Variants in KLRB1 observed in about 807,000 individuals in gnomAD.
KLRB1 encodes killer cell lectin like receptor B1.
A neutral mutation model predicts 33.5 loss-of-function variants in KLRB1; 27 were observed. The ratio of observed to expected loss-of-function variants is 0.81; its 90% CI spans 0.59 to 1.11. KLRB1 has a LOEUF of 1.11. Ranked by LOEUF, KLRB1 falls within the 50% of genes most tolerant of loss-of-function variation. The pLI is 0.00. For synonymous variants in KLRB1, 64 were observed against 88.9 expected, an observed-to-expected ratio of 0.72 and a Z score of 1.58; for missense variants, 241 against 254.1, an observed-to-expected ratio of 0.95 and a Z score of 0.35.
At chr12:9,604,555 A>G (rs185596027) in intron 1 of KLRB1, among the ~76,000 whole-genome samples, 15 of 152,176 alleles carry the variant, frequency 9.9e-5, no homozygotes, top group African/African-American at 3.4e-4. Flanking sequence ...GCCTCCTACA[A>G]TACCACAGGC....
rs1864543271 is a variant in KLRB1 at position 9,601,596 on chromosome 12, A to G, written c.89T>C (p.Val30Ala). The change falls in exon 2 of 6, where the codon GTC becomes GCC. Residue 30 changes from valine to alanine, a missense_variant. Coordinates refer to ENST00000229402, the MANE Select transcript of KLRB1 (RefSeq NM_002258.3). ...TTGATGCCAAGGTGAACCCTGACAG[A>G]CATCTGAAAAGTTAAAAAGAAAAAC... Reference protein sequence around the residue: ...SSSPSSLPRDVCQGSPWHQFA... With the variant: ...SSSPSSLPRDACQGSPWHQFA... 1 of 1,606,460 alleles carries G rather than the reference A, an allele frequency of 6.2e-7. No individual in the cohort carries two copies. Among genetic ancestry groups the G allele is most frequent in the South Asian group, 1.1e-5 (1 of 90,786 alleles).
chr12:9,598,300 TTCTG>T (rs1183711485), intron 4 of KLRB1, 139 bp from the exon 5 acceptor site: 139 of 737,122 alleles, frequency 1.9e-4, no homozygotes, highest in Admixed American at 6.1e-4. Context: ...TTTGTGATAT[TTCTG>T]TCTATGTTTT....
Position 9,603,008 on chromosome 12 carries a change from C to T in KLRB1, c.86-1409G>A, listed in dbSNP as rs769711479. Among the ~76,000 whole-genome samples the T allele has an allele frequency of 2.2e-3, 328 of 152,116 alleles. 2 individuals carry two copies. The highest frequency in any genetic ancestry group is 7.4e-3 in the African/African-American group (309 of 41,484). ...GCCCTGAGGAGATAGAATTTAGTAG[C>T]GTTAGATGTGATCAAAGATTATGGG... On this transcript the variant is annotated intron_variant, in intron 1 of 5. Coordinates refer to ENST00000229402, the MANE Select transcript of KLRB1 (RefSeq NM_002258.3).
At chr12:9,607,317 T>TTTC in intron 1 of KLRB1, among the ~76,000 whole-genome samples, 1 of 120,840 alleles carries the variant, frequency 8.3e-6, no homozygotes, top group Admixed American at 8.4e-5. Flanking sequence ...TTCTTTCTTC[T>TTTC]TTTCTTTCTC....
intron 5 of KLRB1, among the ~76,000 whole-genome samples, chr12:9,597,104 T>G (rs1191652846): frequency 2.6e-5 from 4 of 152,164 alleles, no homozygotes; most frequent in African/African-American, 9.7e-5. Context: ...TGTTTAATAC[T>G]TTCCATACTT....
At chr12:9,607,347 T>C (rs372178728) in intron 1 of KLRB1, among the ~76,000 whole-genome samples, 3,829 of 70,586 alleles carry the variant, frequency 0.054, 217 homozygotes, top group South Asian at 0.1. Context: ...TTTCTTTCTT[T>C]CTTTCTTCCT....
chr12:9,598,288 T>C lies in KLRB1; in HGVS notation c.415-127A>G, dbSNP rs143839967. On this transcript the variant is annotated intron_variant, in intron 4 of 5. Coordinates refer to ENST00000229402, the MANE Select transcript of KLRB1 (RefSeq NM_002258.3). ...CTCGTCGTCAGCATTAATTATTCCT[T>C]CTTTGTGATATTTCTGTCTATGTTT... 209 of 746,254 alleles carry C rather than the reference T, an allele frequency of 2.8e-4. 1 individual carries two copies. In the African/African-American group the frequency reaches 3.2e-3, roughly 11 times the overall value. 46.2% of individuals were successfully genotyped at this position (746,254 alleles called of 1,614,324 possible).
intron 1 of KLRB1, among the ~76,000 whole-genome samples, chr12:9,604,138 G>A (rs946884992): frequency 9.2e-5 from 14 of 152,008 alleles, no homozygotes; most frequent in African/African-American, 3.4e-4. Context: ...ATGTACTCCT[G>A]TACTGTGTTT....
chr12:9,598,767 T>C (rs945254903), intron 3 of KLRB1, 114 bp from the exon 4 acceptor site: 3 of 649,942 alleles, frequency 4.6e-6, no homozygotes, highest in Non-Finnish European at 7.5e-6. Flanking sequence ...TTTTTGATTA[T>C]CACTGTGAGA....
intron 1 of KLRB1, among the ~76,000 whole-genome samples, chr12:9,603,120 G>T (rs558207138): frequency 3.9e-4 from 60 of 152,294 alleles, no homozygotes; most frequent in Non-Finnish European, 5.6e-4. Context: ...GTGGAGGGGG[G>T]CAGGGAGGAG....
chr12:9,606,675 AATATATGTATAAAAAGTATATATAT>A (rs1864603643), intron 1 of KLRB1, among the ~76,000 whole-genome samples: 3 of 91,002 alleles, frequency 3.3e-5, no homozygotes, highest in African/African-American at 2.1e-4. Flanking sequence ...AAATATATAA[AATATATGTATAAAAAGTATATATAT>A]ATATATAAAA....
chr12:9,605,542 A>G (rs1864590120), intron 1 of KLRB1, among the ~76,000 whole-genome samples: 1 of 152,250 alleles, frequency 6.6e-6, no homozygotes, highest in African/African-American at 2.4e-5. Flanking sequence ...TAATGAATGA[A>G]TAAACTCTAG....
chr12:9,597,911 A>G, intron 5 of KLRB1, 135 bp downstream of exon 5: 1 of 561,476 alleles, frequency 1.8e-6, no homozygotes. Context: ...GAAATCATCC[A>G]TGTTCTTAGC....
At chr12:9,596,897 C>G (rs959854114) in intron 5 of KLRB1, among the ~76,000 whole-genome samples, 1 of 151,960 alleles carries the variant, frequency 6.6e-6, no homozygotes, top group Non-Finnish European at 1.5e-5. Context: ...TTGAAAATAA[C>G]CCCCAGAAAG....
chr12:9,595,686 A>C (rs1468674), intron 5 of KLRB1, among the ~76,000 whole-genome samples: 62,561 of 151,982 alleles, frequency 0.41, 15,424 homozygotes, highest in Non-Finnish European at 0.52. Flanking sequence ...GAAACTTTGG[A>C]AACTGGGGAT....
intron 1 of KLRB1, among the ~76,000 whole-genome samples, chr12:9,607,382 T>TCTC (rs1565444687): frequency 2.7e-4 from 25 of 94,154 alleles, no homozygotes; most frequent in Non-Finnish European, 5.5e-4. Context: ...CTTTCTTTCT[T>TCTC]TCTTTCTTTC....
At chr12:9,607,356 C>CTTCG in intron 1 of KLRB1, among the ~76,000 whole-genome samples, 2 of 46,766 alleles carry the variant, frequency 4.3e-5, no homozygotes, top group Non-Finnish European at 4.4e-5. Flanking sequence ...TTCTTTCTTC[C>CTTCG]TTTCTTTCTT....
At chr12:9,607,374 T>TCTCTCTC (rs1864628366) in intron 1 of KLRB1, among the ~76,000 whole-genome samples, 7 of 94,106 alleles carry the variant, frequency 7.4e-5, no homozygotes, top group Non-Finnish European at 1.2e-4. Context: ...CTTTCTTTCT[T>TCTCTCTC]TCTTTCTTTC....
chr12:9,596,059 A>C (rs1208881778), intron 5 of KLRB1, among the ~76,000 whole-genome samples: 2 of 152,128 alleles, frequency 1.3e-5, no homozygotes, highest in Non-Finnish European at 2.9e-5. Context: ...TGCAGGTAGG[A>C]GGTGATGATA....
Sources: gnomAD v4.1 joint callset for allele counts (sites outside exome capture counted in the v4.1 genomes callset) on GRCh38, gnomAD v4.1.1 for gene constraint, MANE v1.5 for transcripts, NCBI Gene and HGNC (gene_info 2026-07-23, HGNC 2026-07-21) for gene names.